The following CACNA1D variants were observed in gnomAD, a reference collection of about 807,000 sequenced individuals.
CACNA1D encodes calcium voltage-gated channel subunit alpha1 D, also known as voltage-dependent L-type calcium channel subunit alpha-1D.
In CACNA1D, 55 loss-of-function variants were observed where a neutral mutation model predicts 257.1. The observed-to-expected ratio is 0.21, with a 90% CI of 0.17 to 0.27. CACNA1D has a LOEUF of 0.27. Ranked by LOEUF, CACNA1D falls within the 10% of genes least tolerant of loss-of-function variation. The pLI is 1.00. For synonymous variants in CACNA1D, 980 were observed against 1,014.9 expected (o/e 0.97, Z 0.65); for missense variants, 1,876 against 2,784.0 (o/e 0.67, Z 7.34).
intron 11 of CACNA1D, 64 bp from the exon 12 acceptor site, chr3:53,722,250 A>G (rs2094890093): frequency 6.3e-7 from 1 of 1,582,524 alleles, no homozygotes; most frequent in Non-Finnish European, 8.7e-7. Flanking sequence ...TCTCTCAATC[A>G]TATTTATTGG....
chr3:53,507,092 AAC>A (rs1553707811), intron 3 of CACNA1D, among the ~76,000 whole-genome samples: 23 of 151,352 alleles, frequency 1.5e-4, no homozygotes, highest in African/African-American at 5.6e-4. Flanking sequence ...AAAAAAAAAA[AAC>A]AAAAAAATGT....
intron 9 of CACNA1D, chr3:53,710,310 A>G (rs929494257): frequency 2.3e-6 from 1 of 436,948 alleles, no homozygotes; most frequent in Non-Finnish European, 4.7e-6. Flanking sequence ...CCTGGCTGGC[A>G]GGGCTGGCCG....
intron 3 of CACNA1D, among the ~76,000 whole-genome samples, chr3:53,634,363 T>C (rs1203886766): frequency 6.6e-6 from 1 of 152,212 alleles, no homozygotes; most frequent in African/African-American, 2.4e-5. Context: ...TACCTATGCC[T>C]GAATTAACGG....
chr3:53,772,400 G>A (rs1055987883), intron 32 of CACNA1D, among the ~76,000 whole-genome samples: 3 of 152,110 alleles, frequency 2.0e-5, no homozygotes, highest in Non-Finnish European at 2.9e-5. Context: ...ATTCCTTTGC[G>A]ACATTATCTA....
At chr3:53,651,371 T>TTTTTTTTTG (rs2094093520) in intron 4 of CACNA1D, among the ~76,000 whole-genome samples, 1 of 128,476 alleles carries the variant, frequency 7.8e-6, no homozygotes, top group Non-Finnish European at 1.5e-5. Context: ...ATTTTCTTTT[T>TTTTTTTTTG]TTTTTTTTTT....
At chr3:53,624,577 G>A (rs747175365) in intron 3 of CACNA1D, among the ~76,000 whole-genome samples, 23 of 152,142 alleles carry the variant, frequency 1.5e-4, no homozygotes, top group African/African-American at 3.1e-4. Context: ...TCTGGAAGGC[G>A]TGTTTTCCTG....
intron 3 of CACNA1D, among the ~76,000 whole-genome samples, chr3:53,629,754 G>T (rs1000826050): frequency 4.6e-5 from 7 of 152,146 alleles, no homozygotes; most frequent in African/African-American, 1.4e-4. Flanking sequence ...TGATGACATA[G>T]CATGCAACTT....
At chr3:53,703,562 A>G (rs2094650240) in intron 9 of CACNA1D, among the ~76,000 whole-genome samples, 1 of 152,214 alleles carries the variant, frequency 6.6e-6, no homozygotes, top group South Asian at 2.1e-4. Flanking sequence ...TCAGAGTGGA[A>G]ACTGGAATCC....
chr3:53,733,520 C>T (rs2095020894), intron 19 of CACNA1D, among the ~76,000 whole-genome samples: 1 of 152,142 alleles, frequency 6.6e-6, no homozygotes, highest in African/African-American at 2.4e-5. Flanking sequence ...GTATTCAGTT[C>T]AGCTCTATGA....
chr3:53,672,961 C>T (rs1341810268), intron 7 of CACNA1D, 62 bp from the exon 8 acceptor site: 12 of 1,035,056 alleles, frequency 1.2e-5, no homozygotes, highest in African/African-American at 3.2e-5. Flanking sequence ...CTAATGTGAC[C>T]CTCTCTCCTT....
intron 3 of CACNA1D, among the ~76,000 whole-genome samples, chr3:53,602,792 TG>T: frequency 6.6e-6 from 1 of 152,336 alleles, no homozygotes; most frequent in South Asian, 2.1e-4. Flanking sequence ...TTTTTTAAAT[TG>T]GGCTTTTTTT....
At chr3:53,590,868 C>T (rs1177205181) in intron 3 of CACNA1D, among the ~76,000 whole-genome samples, 1 of 152,220 alleles carries the variant, frequency 6.6e-6, no homozygotes, top group Admixed American at 6.5e-5. Context: ...GAAACATCTG[C>T]TGCTGTTAGT....
chr3:53,520,925 TTTTC>T (rs1419542685), intron 3 of CACNA1D, among the ~76,000 whole-genome samples: 14 of 150,920 alleles, frequency 9.3e-5, no homozygotes, highest in Non-Finnish European at 1.3e-4. Context: ...TTTTTCTTTC[TTTTC>T]TTTCTTTCTC....
intron 3 of CACNA1D, among the ~76,000 whole-genome samples, chr3:53,621,665 T>C (rs1433346784): frequency 6.6e-6 from 1 of 152,148 alleles, no homozygotes; most frequent in African/African-American, 2.4e-5. Context: ...AAAGATGCTG[T>C]TAAGAAAAAG....
intron 3 of CACNA1D, among the ~76,000 whole-genome samples, chr3:53,507,089 A>AAAC (rs1553707876): frequency 1.3e-5 from 2 of 150,176 alleles, no homozygotes; most frequent in Non-Finnish European, 3.0e-5. Context: ...AAAAAAAAAA[A>AAAC]AAAACAAAAA....
intron 8 of CACNA1D, among the ~76,000 whole-genome samples, chr3:53,685,398 A>G (rs1471853731): frequency 6.6e-6 from 1 of 152,174 alleles, no homozygotes; most frequent in Non-Finnish European, 1.5e-5. Flanking sequence ...TTCCTTCTCA[A>G]TAATTACTAG....
At chr3:53,624,656 A>G (rs924928731) in intron 3 of CACNA1D, among the ~76,000 whole-genome samples, 1 of 152,192 alleles carries the variant, frequency 6.6e-6, no homozygotes, top group Non-Finnish European at 1.5e-5. Flanking sequence ...GCTGTATCCC[A>G]AGAAGCCCTC....
rs2095533486 is a variant in CACNA1D, at chr3:53,800,954, G to A, written c.5041-104G>A. 2.7e-6 allele frequency: 3 copies of A among 1,097,916 alleles called. No individual in the cohort carries two copies. The highest frequency in any genetic ancestry group is 1.5e-5 in the African/African-American group (1 of 65,182). 68.0% of individuals were successfully genotyped at this position (1,097,916 alleles called of 1,614,324 possible). A position where few individuals can be genotyped will look rare whatever the true frequency, so the allele number is the denominator to read the frequency against. ...GATTGTTTTACAGGGATCCTACGGAGCTTGCCTAGAATTTGTTTTTCATGT... is the reference window on the plus strand; with the variant it reads ...GATTGTTTTACAGGGATCCTACGGAACTTGCCTAGAATTTGTTTTTCATGT... On this transcript the variant is annotated intron_variant, in intron 41 of 47. Coordinates refer to ENST00000350061, the MANE Select transcript of CACNA1D (RefSeq NM_001128840.3). This position sits in a 1 kb window ranked among gnomAD's most constrained non-coding sequence, Gnocchi z 4.3.
chr3:53,584,447 C>T (rs1207512747), intron 3 of CACNA1D, among the ~76,000 whole-genome samples: 1 of 152,210 alleles, frequency 6.6e-6, no homozygotes, highest in Admixed American at 6.5e-5. Context: ...CTAAAACCTG[C>T]AGAACCTTTA....
Sources: gnomAD v4.1 joint callset for allele counts (sites outside exome capture counted in the v4.1 genomes callset) on GRCh38, gnomAD v4.1.1 for gene constraint, Gnocchi (gnomAD v3.1) non-coding constraint, MANE v1.5 for transcripts, NCBI Gene and HGNC (gene_info 2026-07-23, HGNC 2026-07-21) for gene names.